The following PAK1 variants were observed in gnomAD, a reference collection of about 807,000 sequenced individuals.
The protein encoded by PAK1 is p21 (RAC1) activated kinase 1, also known as serine/threonine-protein kinase PAK 1.
Under a neutral mutation model 67.4 loss-of-function variants are expected in PAK1, and 29 were observed. The ratio of observed to expected loss-of-function variants is 0.43; its 90% CI spans 0.32 to 0.59. The LOEUF is 0.59. Ranked by LOEUF, PAK1 falls within the 20% of genes least tolerant of loss-of-function variation. The pLI, the probability that PAK1 is intolerant of heterozygous loss-of-function variation, is 0.07. For synonymous variants in PAK1, 223 were observed against 237.4 expected (o/e 0.94, Z 0.56); for missense variants, 337 against 670.7 (o/e 0.50, Z 5.50).
chr11:77,419,202 A>G (rs1372314168), intron 1 of PAK1, among the ~76,000 whole-genome samples: 1 of 152,246 alleles, frequency 6.6e-6, no homozygotes, highest in African/African-American at 2.4e-5. Context: ...TATTACTAAC[A>G]GAATCAAATG....
At position 77,379,267 on chromosome 11, in the gene PAK1, T is replaced by C; in HGVS notation, c.413A>G (p.Asn138Ser). ...TGTAAAGCTCATGTATTTCTGGCTG[T>C]TGGATGTCTTCTTCGAGTTGTAAAA... is the stretch of plus-strand genomic sequence containing the variant. ...LEFYNSKKTS[N>S]SQKYMSFTDK... The change falls in exon 4 of 15, where the codon AAC (asparagine) becomes AGC (serine). Residue 138 changes from asparagine (N) to serine (S), a missense_variant. Physicochemically the swap from Asn to Ser is conservative, Grantham distance 46. Transcript: ENST00000356341. The C allele has an allele frequency of 6.2e-7, 1 of 1,613,860 alleles. No individual in the cohort carries two copies. Among genetic ancestry groups the C allele is most frequent in the South Asian group, 1.1e-5 (1 of 91,044 alleles).
At chr11:77,507,529 T>G in the PAK1 span, among the ~76,000 whole-genome samples, 1 of 152,164 alleles carries the variant, frequency 6.6e-6, no homozygotes, top group Non-Finnish European at 1.5e-5. Context: ...ATATACTTTT[T>G]TTTTCTTTTT....
intron 7 of PAK1, 60 bp from the exon 8 acceptor site, chr11:77,353,659 C>T: frequency 7.6e-7 from 1 of 1,308,964 alleles, no homozygotes. Context: ...AAAAAAGGTT[C>T]CACATTTCCC....
chr11:77,325,889 A>G (rs1939697987), intron 14 of PAK1, among the ~76,000 whole-genome samples: 3 of 152,228 alleles, frequency 2.0e-5, no homozygotes, highest in Non-Finnish European at 2.9e-5. Flanking sequence ...CAATAAATAT[A>G]TTTTGAGTAC....
intron 3 of PAK1, 37 bp from the exon 4 acceptor site, chr11:77,379,425 A>G (rs773193544): frequency 6.3e-7 from 1 of 1,594,644 alleles, no homozygotes; most frequent in Non-Finnish European, 8.5e-7. Context: ...AGGAAGGCAC[A>G]GTCACAGGGG....
rs772201924 is a variant in PAK1 at position 77,355,831 on chromosome 11, C to G, written c.609G>C (p.Arg203=). 5.6e-6 allele frequency: 9 copies of G among 1,613,396 alleles called. No homozygotes were observed. The highest frequency in any genetic ancestry group is 7.6e-6 in the Non-Finnish European group (9 of 1,179,532). Residue 203 remains arginine, a synonymous_variant, in exon 7 of 15, where the codon CGG becomes CGC. Coordinates refer to ENST00000356341, the MANE Select transcript of PAK1 (RefSeq NM_002576.5). ...TGACAGGAAGTGGTTCAATCACAGA[C>G]CGTGTGTATACCTGCATTATTAGTG... The part of the protein sequence containing the change: ...RPEHTKSVYT[R]SVIEPLPVTP...
At chr11:77,443,053 G>C (rs1956427585) in intron 1 of PAK1, among the ~76,000 whole-genome samples, 1 of 152,158 alleles carries the variant, frequency 6.6e-6, no homozygotes, top group Non-Finnish European at 1.5e-5. Flanking sequence ...GGCTGGGCCT[G>C]GTGGCTCATG....
At chr11:77,493,519 C>T in the PAK1 span, among the ~76,000 whole-genome samples, 1 of 144,082 alleles carries the variant, frequency 6.9e-6, no homozygotes, top group Non-Finnish European at 1.5e-5. Flanking sequence ...TCTTGAACTC[C>T]AGACCTCAGG....
intron 1 of PAK1, among the ~76,000 whole-genome samples, chr11:77,433,088 C>T (rs894564255): frequency 6.6e-6 from 1 of 152,018 alleles, no homozygotes; most frequent in Non-Finnish European, 1.5e-5. Context: ...GACAATGCAA[C>T]GAAGAAAGAA....
At chr11:77,345,737 C>G (rs1206502563) in intron 9 of PAK1, among the ~76,000 whole-genome samples, 1 of 152,166 alleles carries the variant, frequency 6.6e-6, no homozygotes, top group Non-Finnish European at 1.5e-5. Flanking sequence ...AACAGCTGAG[C>G]ATTAGTTTTT....
intron 5 of PAK1, among the ~76,000 whole-genome samples, chr11:77,364,997 C>T (rs1947300878): frequency 6.6e-6 from 1 of 152,002 alleles, no homozygotes; most frequent in African/African-American, 2.4e-5. Flanking sequence ...ACCTGTAATC[C>T]TAGCACTTTG....
intron 1 of PAK1, among the ~76,000 whole-genome samples, chr11:77,432,528 T>G (rs755153529): frequency 1.4e-4 from 22 of 152,132 alleles, no homozygotes; most frequent in Non-Finnish European, 2.2e-4. Flanking sequence ...TGTGGTGGCA[T>G]GCACCTGTAG....
intron 1 of PAK1, among the ~76,000 whole-genome samples, chr11:77,456,752 T>C (rs543192517): frequency 6.6e-6 from 1 of 152,062 alleles, no homozygotes; most frequent in African/African-American, 2.4e-5. Context: ...TTTTTTGTTT[T>C]TTTTTTTCAG....
chr11:77,529,509 T>G, the PAK1 span, among the ~76,000 whole-genome samples: 1 of 152,220 alleles, frequency 6.6e-6, no homozygotes, highest in African/African-American at 2.4e-5. Flanking sequence ...TGATTCTATG[T>G]CTATTCTTAT....
At chr11:77,525,280 G>A in the PAK1 span, among the ~76,000 whole-genome samples, 3 of 151,778 alleles carry the variant, frequency 2.0e-5, no homozygotes, top group East Asian at 1.9e-4. Context: ...CCCTGGAGGC[G>A]GATCACGCCA....
chr11:77,337,270 G>C (rs960014788), intron 12 of PAK1, 54 bp downstream of exon 12: 2 of 867,012 alleles, frequency 2.3e-6, no homozygotes, highest in East Asian at 2.5e-5. Context: ...CATCTCACAG[G>C]AGACAGGGCC....
the PAK1 span, among the ~76,000 whole-genome samples, chr11:77,510,007 A>G: frequency 1.3e-5 from 2 of 152,242 alleles, no homozygotes; most frequent in Non-Finnish European, 2.9e-5. Flanking sequence ...CTCTGTTATC[A>G]GATCATCAAA....
chr11:77,515,340 G>C, the PAK1 span, among the ~76,000 whole-genome samples: 1 of 152,164 alleles, frequency 6.6e-6, no homozygotes, highest in Non-Finnish European at 1.5e-5. Flanking sequence ...TCTAGATAAA[G>C]AGATTTGTAA....
At chr11:77,334,877 T>C (rs1192176473) in intron 13 of PAK1, among the ~76,000 whole-genome samples, 2 of 152,192 alleles carry the variant, frequency 1.3e-5, no homozygotes, top group African/African-American at 4.8e-5. Flanking sequence ...CTTCTTCCAC[T>C]TTCATGAATT....
Sources: gnomAD v4.1 joint callset for allele counts (sites outside exome capture counted in the v4.1 genomes callset) on GRCh38, gnomAD v4.1.1 for gene constraint, MANE v1.5 for transcripts, NCBI Gene and HGNC (gene_info 2026-07-23, HGNC 2026-07-21) for gene names.